LRRC23: variants seen among roughly 807,000 people sequenced by gnomAD.
LRRC23 encodes the protein leucine-rich repeat-containing protein 23.
LRRC23 carries 28 observed loss-of-function variants against 37.7 expected under a neutral mutation model. That is an observed-to-expected ratio of 0.74 (90% CI 0.55 to 1.02). LRRC23 has a LOEUF of 1.02. Ranked by LOEUF, LRRC23 falls within the 50% of genes least tolerant of loss-of-function variation. The pLI, the probability that LRRC23 is intolerant of heterozygous loss-of-function variation, is 0.00. For synonymous variants in LRRC23, 161 were observed against 165.4 expected (o/e 0.97, Z 0.20); for missense variants, 377 against 413.2 (o/e 0.91, Z 0.76).
chr12:6,909,812 G>A, intron 5 of LRRC23, 78 bp from the exon 6 acceptor site: 8 of 1,392,992 alleles, frequency 5.7e-6, no homozygotes, highest in African/African-American at 1.4e-5. Context: ...TTCCTCTTTT[G>A]CTTTATCTCA....
chr12:6,912,619 A>G (rs781897691), intron 6 of LRRC23, 111 bp from the exon 7 acceptor site: 55 of 964,902 alleles, frequency 5.7e-5, no homozygotes, highest in Non-Finnish European at 8.4e-5. Flanking sequence ...CAGTCCTCAC[A>G]GTGTTTCTAG....
At chr12:6,913,055 G>A in intron 7 of LRRC23, 28 bp downstream of exon 7, 1 of 1,602,018 alleles carries the variant, frequency 6.2e-7, no homozygotes, top group Non-Finnish European at 8.5e-7. Context: ...GAGGCAGTGG[G>A]AGGAGGCCAA....
intron 5 of LRRC23, among the ~76,000 whole-genome samples, chr12:6,908,622 C>CAAAAAAAAA (rs1565552999): frequency 1.5e-4 from 10 of 65,708 alleles, no homozygotes; most frequent in Admixed American, 3.3e-4. Context: ...AAAAAAAAAC[C>CAAAAAAAAA]AAAGAAAAAC....
At position 6,914,186 on chromosome 12, in the gene LRRC23, G is replaced by C; in HGVS notation, c.*320G>C. On this transcript the variant is annotated 3_prime_UTR_variant, in exon 8 of 8. Transcript: ENST00000443597. This position sits in a 1 kb window ranked among gnomAD's most constrained non-coding sequence, Gnocchi z 7.1. ...AGGAGTGGTTGGAGAGACTTGCGAA[G>C]GCGGCTGGGGTGTTCGGATTTCCAA... 4 of 920,670 alleles carry C rather than the reference G, an allele frequency of 4.3e-6. No homozygotes were observed. Among genetic ancestry groups the C allele is most frequent in the Non-Finnish European group, 6.4e-6 (4 of 626,904 alleles). The allele number at this position is 920,670 out of a possible 1,614,324, so 57.0% of individuals were successfully genotyped here.
Position 6,913,928 on chromosome 12 carries a change from C to T in LRRC23, c.*62C>T, listed in dbSNP as rs1191072538. ...GCTGGCCTTCAGACCTGATCAGACT[C>T]CCAGGGGCAGCCACCACATGTATGA... On this transcript the variant is annotated 3_prime_UTR_variant, in exon 8 of 8. Transcript: ENST00000443597. 6.2e-6 allele frequency: 10 copies of T among 1,610,434 alleles called. No individual in the cohort carries two copies. The highest frequency in any genetic ancestry group is 8.5e-6 in the Non-Finnish European group (10 of 1,178,344).
At chr12:6,912,560 GC>G (rs1459254651) in intron 6 of LRRC23, among the ~76,000 whole-genome samples, 169 bp from the exon 7 acceptor site, 3 of 152,172 alleles carry the variant, frequency 2.0e-5, no homozygotes, top group Non-Finnish European at 2.9e-5. Flanking sequence ...CAGGACCAGA[GC>G]GGGGTCACAC....
At chr12:6,908,792 C>T (rs1341636371) in intron 5 of LRRC23, among the ~76,000 whole-genome samples, 1 of 145,336 alleles carries the variant, frequency 6.9e-6, no homozygotes, top group Non-Finnish European at 1.5e-5. Context: ...CCACTGCACT[C>T]CAGCCTGGGC....
chr12:6,908,596 C>CAAAAAAAAAAAAA (rs61662814), intron 5 of LRRC23, among the ~76,000 whole-genome samples: 1 of 31,086 alleles, frequency 3.2e-5, no homozygotes, highest in African/African-American at 9.8e-5. Context: ...GACTCCATCT[C>CAAAAAAAAAAAAA]AAAAAAAAAA....
intron 7 of LRRC23, among the ~76,000 whole-genome samples, chr12:6,913,551 G>GTTGTTT (rs1945227229): frequency 1.3e-5 from 1 of 78,124 alleles, no homozygotes; most frequent in African/African-American, 5.1e-5. Context: ...ATTTACCTCT[G>GTTGTTT]TTTGTTTTTT....
At chr12:6,907,637 G>A (rs1050302051) in intron 5 of LRRC23, 192 bp downstream of exon 5, 23 of 660,132 alleles carry the variant, frequency 3.5e-5, no homozygotes, top group Non-Finnish European at 5.7e-5. Flanking sequence ...TATATAATGT[G>A]TGGATAATAC....
chr12:6,907,823 G>T, intron 5 of LRRC23: 2 of 413,684 alleles, frequency 4.8e-6, no homozygotes, highest in South Asian at 4.9e-5. Flanking sequence ...AGGTGTGGGG[G>T]TTTCTCCCCA....
At chr12:6,910,267 T>C (rs117340839) in intron 6 of LRRC23, among the ~76,000 whole-genome samples, 1 of 152,268 alleles carries the variant, frequency 6.6e-6, no homozygotes, top group East Asian at 1.9e-4. Flanking sequence ...TGCCAGGCCT[T>C]GTGCTGTGTT....
chr12:6,913,754 G>A (rs1245769629), intron 7 of LRRC23, 137 bp from the exon 8 acceptor site: 5 of 589,090 alleles, frequency 8.5e-6, no homozygotes, highest in Non-Finnish European at 1.4e-5. Context: ...TAGTAGAAAC[G>A]GGGTTTCACC....
chr12:6,911,745 C>T (rs892030497), intron 6 of LRRC23, among the ~76,000 whole-genome samples: 11 of 152,186 alleles, frequency 7.2e-5, no homozygotes, highest in African/African-American at 1.9e-4. Flanking sequence ...TGGTGGCTCA[C>T]GCCTGTAATC....
rs781945688 is a variant in LRRC23, at chr12:6,912,764, A to C, written c.793A>C (p.Lys265Gln). 3.1e-6 allele frequency: 5 copies of C among 1,614,102 alleles called. No individual in the cohort carries two copies. The highest frequency in any genetic ancestry group is 4.2e-6 in the Non-Finnish European group (5 of 1,180,022). Residue 265 changes from lysine to glutamine, a missense_variant, in exon 7 of 8, where the codon AAG becomes CAG. By Grantham distance (53) the Lys-to-Gln change is moderately conservative. Around this residue, in one of 3 missense-constraint regions of LRRC23, gnomAD observed 266 missense variants for 285.6 expected, o/e 0.93. Coordinates refer to ENST00000443597, the MANE Select transcript of LRRC23 (RefSeq NM_001135217.2). ...GGTGGCCAACCTGGGGGAGCTGGCC[A>C]AGCTTCGAGACCTGCCCAAGCTGCG... Reference protein sequence around the residue: ...NMVANLGELAKLRDLPKLRAL... With the variant: ...NMVANLGELAQLRDLPKLRAL...
rs781988289 is a variant in LRRC23, at chr12:6,907,356, T to C, written c.532T>C (p.Leu178=). The C allele has an allele frequency of 7.4e-6, 12 of 1,612,468 alleles. No individual in the cohort carries two copies. The highest frequency in any genetic ancestry group is 1.3e-5 in the African/African-American group (1 of 74,458). Residue 178 remains leucine, a synonymous_variant, in exon 5 of 8, where the codon TTG becomes CTG. Transcript: ENST00000443597. The part of the protein sequence containing the change: ...HMVTGLDPEK[L]ISLHTVELRG... ...GGTGACAGGTCTGGACCCCGAGAAG[T>C]TGATCAGCCTGCACACAGTGGAGCT...
At chr12:6,906,333 T>C (rs1944946965) in intron 3 of LRRC23, 76 bp from the exon 4 acceptor site, 12 of 1,440,308 alleles carry the variant, frequency 8.3e-6, no homozygotes, top group Non-Finnish European at 1.0e-5. Context: ...TATTGCCTTC[T>C]GCTTTAGCAA....
intron 5 of LRRC23, among the ~76,000 whole-genome samples, chr12:6,908,238 G>A (rs2138144766): frequency 6.6e-6 from 1 of 152,152 alleles, no homozygotes; most frequent in East Asian, 1.9e-4. Flanking sequence ...TTTCATGGAA[G>A]CTTCATGATC....
chr12:6,907,591 C>A, intron 5 of LRRC23, 146 bp downstream of exon 5: 1 of 840,686 alleles, frequency 1.2e-6, no homozygotes, highest in Non-Finnish European at 2.0e-6. Context: ...GTTCCAGATG[C>A]TGTGGAGATA....
Sources: allele counts gnomAD v4.1 joint callset (sites outside exome capture counted in the v4.1 genomes callset), GRCh38; gene constraint gnomAD v4.1.1; regional missense constraint gnomAD v4.1.1; non-coding constraint Gnocchi (gnomAD v3.1); transcripts MANE v1.5; gene names NCBI Gene and HGNC (gene_info 2026-07-23, HGNC 2026-07-21).